HDAC9: variants seen among roughly 807,000 people sequenced by gnomAD.
HDAC9 encodes MEF-2 interacting transcription repressor (MITR) protein.
HDAC9 carries 41 observed loss-of-function variants against 139.4 expected under a neutral mutation model. The ratio of observed to expected loss-of-function variants is 0.29; its 90% CI spans 0.23 to 0.38. HDAC9 has a LOEUF of 0.38. Among genes scored for constraint, HDAC9 ranks in the 10% least tolerant of loss-of-function variants. The probability of loss-of-function intolerance (pLI) is 1.00; values close to 1 mark genes in which losing one functional copy is unlikely to be tolerated. For synonymous variants in HDAC9, 517 were observed against 476.2 expected (o/e 1.09, Z -1.12); for missense variants, 1,147 against 1,297.0 (o/e 0.88, Z 1.78).
rs116785143 is a variant in HDAC9 at position 18,505,354 on chromosome 7, C to G, written c.22+9030C>G. ...TTTTGACCAAAAGGTTTGAATTATA[C>G]TCACCTTGGCATTTACCTTGAAATG... is the stretch of plus-strand genomic sequence containing the variant. On this transcript the variant is annotated intron_variant, in intron 2 of 25. Transcript: ENST00000686413. Among the ~76,000 whole-genome samples, 1,494 of 152,258 alleles carry G rather than the reference C, an allele frequency of 9.8e-3. 32 individuals carry two copies. Among genetic ancestry groups the G allele is most frequent in the African/African-American group, 0.034 (1,399 of 41,536 alleles).
intron 6 of HDAC9, among the ~76,000 whole-genome samples, chr7:18,626,725 C>G (rs1027409923): frequency 6.6e-6 from 1 of 152,168 alleles, no homozygotes; most frequent in Non-Finnish European, 1.5e-5. Flanking sequence ...AGCTCTATAT[C>G]TGGCTGATTC....
chr7:18,124,246 G>T (rs1389607139), intron 1 of HDAC9, among the ~76,000 whole-genome samples: 1 of 152,184 alleles, frequency 6.6e-6, no homozygotes, highest in Non-Finnish European at 1.5e-5. Flanking sequence ...TATCTGTTGG[G>T]TGAATGTTAT....
At chr7:18,321,524 A>T (rs1324693903) in intron 1 of HDAC9, among the ~76,000 whole-genome samples, 1 of 152,180 alleles carries the variant, frequency 6.6e-6, no homozygotes, top group Non-Finnish European at 1.5e-5. Context: ...GCTTTTTAAA[A>T]AAATGTTTGT....
chr7:18,830,746 CCTAA>C (rs1436780473), intron 19 of HDAC9, among the ~76,000 whole-genome samples: 1 of 152,158 alleles, frequency 6.6e-6, no homozygotes. Flanking sequence ...AGTATTGAAA[CCTAA>C]CTATCCATGT....
intron 2 of HDAC9, among the ~76,000 whole-genome samples, chr7:18,582,632 T>C (rs1397374592): frequency 1.3e-5 from 2 of 152,204 alleles, no homozygotes; most frequent in Non-Finnish European, 2.9e-5. Flanking sequence ...TTCTACCAAA[T>C]GGATGCGACA....
rs142133868 is a variant in HDAC9 at position 18,965,491 on chromosome 7, T to C, written c.3023-10315T>C. On this transcript the variant is annotated intron_variant, in intron 24 of 25. Transcript: ENST00000686413. ...GGCTTCTACCAGAAACAGATCCTGA[T>C]ACACAAGGAGTCATGTACAAGTAAT... Among the ~76,000 whole-genome samples the C allele has an allele frequency of 3.7e-3, 564 of 152,300 alleles. 1 individual carries two copies. The highest frequency in any genetic ancestry group is 0.012 in the African/African-American group (518 of 41,568).
chr7:18,974,587 G>A (rs1345009935), intron 24 of HDAC9, among the ~76,000 whole-genome samples: 3 of 152,142 alleles, frequency 2.0e-5, no homozygotes, highest in Non-Finnish European at 4.4e-5. Flanking sequence ...TCAGACTTTG[G>A]TCAGAATAAG....
chr7:18,104,408 A>G (rs929623214), intron 1 of HDAC9, among the ~76,000 whole-genome samples: 1 of 152,192 alleles, frequency 6.6e-6, no homozygotes, highest in African/African-American at 2.4e-5. Context: ...GAGGAACACA[A>G]TATAATTAAA....
At chr7:18,525,782 T>C (rs1355829564) in intron 2 of HDAC9, among the ~76,000 whole-genome samples, 2 of 152,220 alleles carry the variant, frequency 1.3e-5, no homozygotes, top group Non-Finnish European at 2.9e-5. Flanking sequence ...ATGCTGTATA[T>C]CTGTTCCCTG....
At chr7:18,846,476 T>C (rs1487053241) in intron 21 of HDAC9, among the ~76,000 whole-genome samples, 1 of 152,210 alleles carries the variant, frequency 6.6e-6, no homozygotes, top group Non-Finnish European at 1.5e-5. Flanking sequence ...ATTGACAAAA[T>C]GTAAGCCCAT....
chr7:18,300,926 T>C (rs1368373487), intron 1 of HDAC9, among the ~76,000 whole-genome samples: 1 of 152,154 alleles, frequency 6.6e-6, no homozygotes. Flanking sequence ...TACAGTATAA[T>C]AAGGGAGAGC....
Position 18,233,918 on chromosome 7 carries a change from GT to G in HDAC9, c.25+71580del, listed in dbSNP as rs954969357. ...GAAACTTGGCAAATAGGTAAACCAAGTTTTTTTTTTTCTTAAGTTTGGTCTT... is the reference window on the plus strand; with the variant it reads ...GAAACTTGGCAAATAGGTAAACCAAGTTTTTTTTTTCTTAAGTTTGGTCTT... On this transcript the variant is annotated intron_variant, in intron 2 of 12. Transcript: ENST00000417496. Among the ~76,000 whole-genome samples the G allele has an allele frequency of 9.7e-3, 1,440 of 148,502 alleles. 27 individuals carry two copies. Among genetic ancestry groups the G allele is most frequent in the African/African-American group, 0.034 (1,373 of 40,740 alleles).
At chr7:18,962,813 A>T (rs1417117141) in intron 24 of HDAC9, among the ~76,000 whole-genome samples, 1 of 152,170 alleles carries the variant, frequency 6.6e-6, no homozygotes, top group African/African-American at 2.4e-5. Context: ...GTCCTCACAT[A>T]ATTCTGCAAT....
chr7:18,904,777 A>G (rs963930226), intron 22 of HDAC9, among the ~76,000 whole-genome samples: 17 of 151,830 alleles, frequency 1.1e-4, no homozygotes, highest in South Asian at 2.1e-4. Flanking sequence ...AGGTTTCACC[A>G]TGTTAGCCAG....
At chr7:18,241,403 G>A (rs1363941764) in intron 2 of HDAC9, among the ~76,000 whole-genome samples, 1 of 152,086 alleles carries the variant, frequency 6.6e-6, no homozygotes, top group Non-Finnish European at 1.5e-5. Flanking sequence ...ATTATTGGGA[G>A]CTCTTTTCTT....
At chr7:18,274,660 TA>T (rs558325979) in intron 2 of HDAC9, among the ~76,000 whole-genome samples, 29 of 152,336 alleles carry the variant, frequency 1.9e-4, no homozygotes, top group African/African-American at 6.3e-4. Flanking sequence ...GAGATATTTT[TA>T]TGCAATGGAA....
At chr7:18,630,998 T>A (rs913222721) in intron 7 of HDAC9, among the ~76,000 whole-genome samples, 1 of 152,086 alleles carries the variant, frequency 6.6e-6, no homozygotes, top group African/African-American at 2.4e-5. Flanking sequence ...TGCTTCATAG[T>A]CTTAATGTCT....
At chr7:18,522,283 A>G (rs904483349) in intron 2 of HDAC9, among the ~76,000 whole-genome samples, 4 of 152,144 alleles carry the variant, frequency 2.6e-5, no homozygotes, top group Non-Finnish European at 1.5e-5. Flanking sequence ...ACTAAACCAA[A>G]AGATACCTGA....
chr7:18,243,808 T>C (rs1794345703), intron 2 of HDAC9, among the ~76,000 whole-genome samples: 1 of 152,220 alleles, frequency 6.6e-6, no homozygotes, highest in Non-Finnish European at 1.5e-5. Flanking sequence ...TACGTTAAGC[T>C]TCCGTGAAAA....
Sources: gnomAD v4.1 joint callset for allele counts (sites outside exome capture counted in the v4.1 genomes callset) on GRCh38, gnomAD v4.1.1 for gene constraint, MANE v1.5 for transcripts, NCBI Gene and HGNC (gene_info 2026-07-23, HGNC 2026-07-21) for gene names.